LHFPL7: variants seen among roughly 807,000 people sequenced by gnomAD.
LHFPL7 encodes the protein LHFPL tetraspan subfamily member 7 protein.
At chr22:24,941,574 T>A in the LHFPL7 span, among the ~76,000 whole-genome samples, 3 of 151,116 alleles carry the variant, frequency 2.0e-5, no homozygotes, top group Admixed American at 1.3e-4. Context: ...TGAGAATCTG[T>A]GAATGTGGTT....
chr22:24,943,590 G>C, the LHFPL7 span, among the ~76,000 whole-genome samples: 19 of 152,244 alleles, frequency 1.2e-4, no homozygotes, highest in Admixed American at 5.2e-4. Flanking sequence ...TATTATCACT[G>C]TTCCCATTTT....
chr22:24,935,201 C>T, the LHFPL7 span: 1 of 1,226,916 alleles, frequency 8.2e-7, no homozygotes, highest in South Asian at 1.5e-5. Context: ...GAAGAAAAAA[C>T]TGTTCCAGAG....
chr22:24,938,020 TAGGGTTTATCTCTG>T, the LHFPL7 span: 59 of 1,377,476 alleles, frequency 4.3e-5, no homozygotes, highest in African/African-American at 8.2e-4. Flanking sequence ...TCAACAATCC[TAGGGTTTATCTCTG>T]AGGTCTGACC....
chr22:24,935,549 G>A, the LHFPL7 span: 1 of 1,613,712 alleles, frequency 6.2e-7, no homozygotes. Context: ...TGAATGGGGA[G>A]GCAAGGCCGA....
At chr22:24,946,657 C>T in the LHFPL7 span, 1 of 152,336 alleles carries the variant, frequency 6.6e-6, no homozygotes, top group Non-Finnish European at 1.5e-5. Flanking sequence ...ATACAATTCT[C>T]CTCTCCTTTG....
the LHFPL7 span, among the ~76,000 whole-genome samples, chr22:24,942,896 T>C: frequency 9.2e-6 from 1 of 108,442 alleles, no homozygotes; most frequent in African/African-American, 3.9e-5. Context: ...GGATAAAGTG[T>C]GTGTGTGTGT....
At chr22:24,942,070 A>G in the LHFPL7 span, among the ~76,000 whole-genome samples, 3 of 151,796 alleles carry the variant, frequency 2.0e-5, no homozygotes, top group African/African-American at 7.3e-5. Context: ...ATCTCCATTC[A>G]CTGCAAGCTC....
At chr22:24,943,669 C>T in the LHFPL7 span, among the ~76,000 whole-genome samples, 12 of 152,170 alleles carry the variant, frequency 7.9e-5, no homozygotes, top group African/African-American at 4.8e-5. Flanking sequence ...GAATCAGGCT[C>T]GGGTTCTGGG....
At chr22:24,942,419 G>A in the LHFPL7 span, among the ~76,000 whole-genome samples, 20 of 152,364 alleles carry the variant, frequency 1.3e-4, no homozygotes, top group East Asian at 2.5e-3. Flanking sequence ...TCCTGCCATT[G>A]ATGGCCAGAA....
chr22:24,938,459 G>A, the LHFPL7 span, among the ~76,000 whole-genome samples: 7 of 152,350 alleles, frequency 4.6e-5, no homozygotes, highest in South Asian at 1.4e-3. Context: ...CTCGCAGCAT[G>A]TGGTTTGTGC....
chr22:24,941,594 G>A, the LHFPL7 span, among the ~76,000 whole-genome samples: 6 of 125,874 alleles, frequency 4.8e-5, 1 homozygote, highest in South Asian at 1.4e-3. Flanking sequence ...TTGATTTTGC[G>A]TATATTTGTT....
the LHFPL7 span, among the ~76,000 whole-genome samples, chr22:24,943,558 C>G: frequency 6.6e-6 from 1 of 152,018 alleles, no homozygotes; most frequent in Admixed American, 6.6e-5. Context: ...CCACCTGATG[C>G]GATAGATACT....
At chr22:24,938,677 G>A in the LHFPL7 span, among the ~76,000 whole-genome samples, 1 of 152,212 alleles carries the variant, frequency 6.6e-6, no homozygotes, top group Non-Finnish European at 1.5e-5. Context: ...GCACCTGGTA[G>A]CTGCTGTTAC....
chr22:24,940,725 C>CCTTG, the LHFPL7 span, among the ~76,000 whole-genome samples: 2 of 130,574 alleles, frequency 1.5e-5, no homozygotes, highest in Non-Finnish European at 3.2e-5. Flanking sequence ...TTCTTTCCTT[C>CCTTG]CTTCCTTGCT....
chr22:24,941,259 C>T, the LHFPL7 span, among the ~76,000 whole-genome samples: 6 of 151,858 alleles, frequency 4.0e-5, no homozygotes, highest in African/African-American at 1.2e-4. Flanking sequence ...ACCTCTGCCT[C>T]CCAGATTCAA....
chr22:24,945,029 C>T, the LHFPL7 span, among the ~76,000 whole-genome samples: 13 of 151,676 alleles, frequency 8.6e-5, no homozygotes, highest in East Asian at 1.9e-4. Context: ...AGGCTGGTGT[C>T]GATCTCTTGA....
the LHFPL7 span, among the ~76,000 whole-genome samples, chr22:24,941,694 C>T: frequency 4.1e-5 from 6 of 147,440 alleles, no homozygotes; most frequent in East Asian, 4.1e-4. Context: ...TGTTTTGAGA[C>T]GGAGTCTTGC....
chr22:24,941,731 C>T, the LHFPL7 span, among the ~76,000 whole-genome samples: 1 of 150,432 alleles, frequency 6.6e-6, no homozygotes, highest in Non-Finnish European at 1.5e-5. Flanking sequence ...AGTACAGTGG[C>T]GCGATCTCAG....
At chr22:24,945,857 T>G in the LHFPL7 span, among the ~76,000 whole-genome samples, 1 of 152,220 alleles carries the variant, frequency 6.6e-6, no homozygotes, top group African/African-American at 2.4e-5. Flanking sequence ...TGCAGCCAGG[T>G]AAGTCCAATT....
Sources: allele counts gnomAD v4.1 joint callset (sites outside exome capture counted in the v4.1 genomes callset), GRCh38; gene constraint gnomAD v4.1.1; transcripts MANE v1.5; gene names NCBI Gene and HGNC (gene_info 2026-07-23, HGNC 2026-07-21).